DLGAP1: variants seen among roughly 807,000 people sequenced by gnomAD.
DLGAP1 encodes the protein DLG associated protein 1.
In DLGAP1, 11 loss-of-function variants were observed where a neutral mutation model predicts 90.8. That is an observed-to-expected ratio of 0.12 (90% CI 0.08 to 0.20). The LOEUF is 0.20. Ranked by LOEUF, DLGAP1 falls within the 10% of genes least tolerant of loss-of-function variation. The probability of loss-of-function intolerance (pLI) is 1.00; values close to 1 mark genes in which losing one functional copy is unlikely to be tolerated. For missense variants in DLGAP1, 1,050 were observed against 1,333.8 expected (o/e 0.79, Z 3.31); for synonymous variants, 558 against 540.7 (o/e 1.03, Z -0.44).
chr18:3,818,705 G>A (rs2067235416), intron 4 of DLGAP1, among the ~76,000 whole-genome samples: 1 of 151,446 alleles, frequency 6.6e-6, no homozygotes, highest in East Asian at 2.0e-4. Context: ...GGGTTCAAGA[G>A]ATTCTCCTGC....
chr18:3,768,931 C>A (rs1302883651), intron 5 of DLGAP1, among the ~76,000 whole-genome samples: 15 of 151,978 alleles, frequency 9.9e-5, no homozygotes, highest in Non-Finnish European at 2.2e-4. Context: ...TGGATTTAAT[C>A]AGAATTAAAA....
At chr18:3,592,170 C>T (rs1319830811) in intron 7 of DLGAP1, among the ~76,000 whole-genome samples, 2 of 152,182 alleles carry the variant, frequency 1.3e-5, no homozygotes, top group East Asian at 1.9e-4. Context: ...AGAGCTCCAA[C>T]GAGGCTGTCT....
intron 1 of DLGAP1, among the ~76,000 whole-genome samples, chr18:4,195,889 C>T (rs572274127): frequency 6.1e-4 from 93 of 152,178 alleles, no homozygotes; most frequent in African/African-American, 2.2e-3. Flanking sequence ...TTCTGCACAA[C>T]AGAGGACATG....
At chr18:3,901,651 C>T (rs1452348446) in intron 3 of DLGAP1, among the ~76,000 whole-genome samples, 3 of 152,042 alleles carry the variant, frequency 2.0e-5, no homozygotes, top group African/African-American at 7.2e-5. Flanking sequence ...CAATATTTTA[C>T]CACCTACATG....
At chr18:3,855,597 T>A (rs983673462) in intron 4 of DLGAP1, among the ~76,000 whole-genome samples, 9 of 152,124 alleles carry the variant, frequency 5.9e-5, no homozygotes, top group African/African-American at 1.9e-4. Flanking sequence ...AGGTAGATTT[T>A]AAAAAATTAA....
intron 8 of DLGAP1, among the ~76,000 whole-genome samples, chr18:3,568,818 C>T (rs1057492546): frequency 6.6e-6 from 1 of 151,912 alleles, no homozygotes; most frequent in Non-Finnish European, 1.5e-5. Flanking sequence ...TCCCAAGTGT[C>T]TGGGACTACA....
chr18:4,134,607 C>T (rs780340756), intron 2 of DLGAP1, among the ~76,000 whole-genome samples: 25 of 152,060 alleles, frequency 1.6e-4, no homozygotes, highest in Non-Finnish European at 2.9e-4. Flanking sequence ...ATGTGAGAAA[C>T]CCTCCTTGTG....
chr18:4,031,361 T>C (rs1486866954), intron 2 of DLGAP1, among the ~76,000 whole-genome samples: 1 of 152,180 alleles, frequency 6.6e-6, no homozygotes, highest in Admixed American at 6.5e-5. Flanking sequence ...CAAACATATT[T>C]CTACCAAACT....
chr18:3,630,084 G>C (rs903767145), intron 7 of DLGAP1, among the ~76,000 whole-genome samples: 14 of 152,072 alleles, frequency 9.2e-5, no homozygotes, highest in African/African-American at 3.4e-4. Context: ...CAGACATTTG[G>C]CCAAATATTA....
At chr18:3,731,186 A>G (rs1254580241) in intron 6 of DLGAP1, among the ~76,000 whole-genome samples, 1 of 152,064 alleles carries the variant, frequency 6.6e-6, no homozygotes, top group Non-Finnish European at 1.5e-5. Context: ...ATAGACATAT[A>G]TATAATATAT....
chr18:3,756,112 C>T (rs534697155), intron 5 of DLGAP1, among the ~76,000 whole-genome samples: 4 of 151,878 alleles, frequency 2.6e-5, no homozygotes, highest in Admixed American at 6.6e-5. Context: ...TGCAATGGCA[C>T]GATCTTGGCT....
chr18:4,069,842 G>A (rs2075422038), intron 2 of DLGAP1, among the ~76,000 whole-genome samples: 1 of 152,154 alleles, frequency 6.6e-6, no homozygotes, highest in Non-Finnish European at 1.5e-5. Flanking sequence ...TTTCTCATGA[G>A]GTGCCCTAAT....
Position 4,366,729 on chromosome 18 carries a change from G to A in DLGAP1, c.-267+88277C>T, listed in dbSNP as rs1249353974. Among the ~76,000 whole-genome samples the A allele has an allele frequency of 2.6e-5, 4 of 151,644 alleles. No individual in the cohort carries two copies. The South Asian group carries it at 6.3e-4, about 24-fold the overall frequency. The stretch of plus-strand genomic sequence containing the variant: ...TGGAAAAAAAAAAATCTCACTATAG[G>A]TAAGAGCCTGTGGGTTACCTTTACA... On this transcript the variant is annotated intron_variant, in intron 1 of 12. Transcript: ENST00000315677.
intron 3 of DLGAP1, among the ~76,000 whole-genome samples, chr18:3,970,244 T>C (rs751670920): frequency 8.5e-5 from 13 of 152,202 alleles, no homozygotes; most frequent in Non-Finnish European, 1.6e-4. Context: ...AATCAGAGTT[T>C]TAGTTTTAAA....
intron 1 of DLGAP1, among the ~76,000 whole-genome samples, chr18:4,265,982 C>T (rs1457019557): frequency 6.6e-6 from 1 of 151,830 alleles, no homozygotes; most frequent in African/African-American, 2.4e-5. Flanking sequence ...CCCACCATGC[C>T]CAACTATTAA....
intron 3 of DLGAP1, among the ~76,000 whole-genome samples, chr18:3,954,891 C>G (rs2073054832): frequency 6.6e-6 from 1 of 152,188 alleles, no homozygotes; most frequent in Non-Finnish European, 1.5e-5. Flanking sequence ...CAAATTGCCC[C>G]TGCTTACTTC....
intron 1 of DLGAP1, among the ~76,000 whole-genome samples, chr18:4,357,429 G>C (rs1038402265): frequency 2.0e-5 from 3 of 151,864 alleles, no homozygotes; most frequent in Non-Finnish European, 4.4e-5. Context: ...TTCTTTCTTT[G>C]TTATCTGTGG....
intron 4 of DLGAP1, among the ~76,000 whole-genome samples, chr18:3,846,156 G>T (rs190550137): frequency 8.6e-5 from 13 of 151,732 alleles, no homozygotes; most frequent in African/African-American, 3.1e-4. Context: ...TTTTAAGTGG[G>T]CAGCATTTAC....
intron 5 of DLGAP1, among the ~76,000 whole-genome samples, chr18:3,772,884 C>T (rs138838422): frequency 6.4e-4 from 97 of 152,232 alleles, no homozygotes; most frequent in Non-Finnish European, 1.2e-3. Flanking sequence ...TCTAAGCCCC[C>T]GATAACTCCA....
Sources: gnomAD v4.1 joint callset for allele counts (sites outside exome capture counted in the v4.1 genomes callset) on GRCh38, gnomAD v4.1.1 for gene constraint, MANE v1.5 for transcripts, NCBI Gene and HGNC (gene_info 2026-07-23, HGNC 2026-07-21) for gene names.